The following ASH1L variants were observed in gnomAD, a reference collection of about 807,000 sequenced individuals.
ASH1L encodes ASH1 like histone lysine methyltransferase.
A neutral mutation model predicts 269.0 loss-of-function variants in ASH1L; 23 were observed. The observed-to-expected ratio is 0.09, with a 90% CI of 0.06 to 0.12. The LOEUF is 0.12. Ranked by LOEUF, ASH1L falls within the 10% of genes least tolerant of loss-of-function variation. ASH1L has a pLI of 1.00. For synonymous variants in ASH1L, 1,187 were observed against 1,253.5 expected (o/e 0.95, Z 1.12); for missense variants, 2,912 against 3,567.8 (o/e 0.82, Z 4.68).
chr1:155,363,842 G>A (rs557743583), intron 12 of ASH1L, among the ~76,000 whole-genome samples: 18 of 150,932 alleles, frequency 1.2e-4, no homozygotes, highest in African/African-American at 4.1e-4. Context: ...GTGTAGGGAC[G>A]CATGCCTTTA....
chr1:155,542,957 C>T (rs772912089), intron 1 of ASH1L, among the ~76,000 whole-genome samples: 1 of 151,942 alleles, frequency 6.6e-6, no homozygotes, highest in Non-Finnish European at 1.5e-5. Context: ...AGGCGTGAGC[C>T]ACCATGCCTG....
In ASH1L at chr1:155,338,062, C is replaced by T. The variant is rs370366746; in HGVS notation, c.8803+27G>A. The stretch of plus-strand genomic sequence containing the variant: ...CTCTCATTTCGCATTTATCTTAAAC[C>T]CTAGATATGAACCTGATTCTTCTTA... On this transcript the variant is annotated intron_variant, in intron 27 of 27. Coordinates refer to ENST00000392403, the MANE Select transcript of ASH1L (RefSeq NM_018489.3). 3 of 1,603,882 alleles carry T rather than the reference C, an allele frequency of 1.9e-6. No individual in the cohort carries two copies. In the African/African-American group the frequency reaches 4.0e-5, roughly 22 times the overall value.
In ASH1L at chr1:155,395,494, T is replaced by C; in HGVS notation, c.6068A>G (p.His2023Arg). 1 of 1,612,076 alleles carries C rather than the reference T, an allele frequency of 6.2e-7. No individual in the cohort carries two copies. Among genetic ancestry groups the C allele is most frequent in the East Asian group, 2.2e-5 (1 of 44,630 alleles). ...KEKLEYTPGE[H>R]EYGLFPAPIH... ...GGGCGCTGGAAATAATCCATATTCA[T>C]GCTCTCCTGGAGTATACTCCAGCTT... The change falls in exon 7 of 28, where the codon CAT (histidine) becomes CGT (arginine). Residue 2023 changes from histidine (H) to arginine (R), a missense_variant. Physicochemically the swap from His to Arg is conservative, Grantham distance 29 (BLOSUM62 0). Around this residue, in one of 13 missense-constraint regions of ASH1L, gnomAD observed 193 missense variants for 311.6 expected, o/e 0.62. Coordinates refer to ENST00000392403, the MANE Select transcript of ASH1L (RefSeq NM_018489.3).
chr1:155,378,314 G>T lies in ASH1L; in HGVS notation c.6299C>A (p.Thr2100Asn), dbSNP rs745691964. ...TCNCKKPDDD[T>N]RKGCVDDCLN... ...GCAGTCATCAACACAGCCCTTCCTG[G>T]TGTCATCATCTGGCTTCTTACAGTT... The change falls in exon 10 of 28, where the codon ACC (threonine) becomes AAC (asparagine). Residue 2100 changes from threonine (T) to asparagine (N), a missense_variant. This residue lies in a region of ASH1L where 193 missense variants were observed against 311.6 expected (regional missense o/e 0.62). Coordinates refer to ENST00000392403, the MANE Select transcript of ASH1L (RefSeq NM_018489.3). 12 of 1,614,028 alleles carry T rather than the reference G, an allele frequency of 7.4e-6. No individual in the cohort carries two copies. In the African/African-American group the frequency reaches 1.5e-4, roughly 20 times the overall value.
intron 12 of ASH1L, among the ~76,000 whole-genome samples, chr1:155,363,833 T>C (rs1655174727): frequency 6.7e-6 from 1 of 148,492 alleles, no homozygotes; most frequent in African/African-American, 2.5e-5. Context: ...ATTAGCCGGG[T>C]GTAGGGACGC....
intron 3 of ASH1L, among the ~76,000 whole-genome samples, chr1:155,467,346 GA>G (rs1401977668): frequency 6.6e-6 from 1 of 152,162 alleles, no homozygotes; most frequent in Non-Finnish European, 1.5e-5. Context: ...AGGATTGGGA[GA>G]AACCAGGAAA....
chr1:155,395,995 T>A (rs1468625066), intron 6 of ASH1L: 1 of 152,604 alleles, frequency 6.6e-6, no homozygotes, highest in African/African-American at 2.4e-5. Flanking sequence ...TCTATAAGAC[T>A]GAGTGACTTG....
At chr1:155,471,481 TAACA>T (rs1558139413) in intron 3 of ASH1L, among the ~76,000 whole-genome samples, 2 of 152,224 alleles carry the variant, frequency 1.3e-5, no homozygotes. Context: ...CCGGCCTACC[TAACA>T]GAGCCCCAAT....
intron 5 of ASH1L, among the ~76,000 whole-genome samples, chr1:155,425,194 G>A (rs750651521): frequency 2.6e-5 from 4 of 151,300 alleles, no homozygotes; most frequent in African/African-American, 9.7e-5. Flanking sequence ...TCTCGAACTC[G>A]AACTCCTGAC....
Position 155,482,208 on chromosome 1 carries a change from G to A in ASH1L, c.662C>T (p.Ala221Val), listed in dbSNP as rs979082750. ...NGGTSVTEKL[A>V]QLIATCPPSK... ...AGGAGGACAGGTAGCAATCAGCTGT[G>A]CCAACTTTTCTGTTACACTAGTTCC... Residue 221 changes from alanine (A) to valine (V), a missense_variant, in exon 3 of 28, where the codon GCA becomes GTA. Physicochemically the swap from Ala to Val is moderately conservative, Grantham distance 64 (BLOSUM62 0). This residue lies in a region of ASH1L where 277 missense variants were observed against 367.7 expected (regional missense o/e 0.75). Coordinates refer to ENST00000392403, the MANE Select transcript of ASH1L (RefSeq NM_018489.3). 1.2e-6 allele frequency: 2 copies of A among 1,614,152 alleles called. No homozygotes were observed. The highest frequency in any genetic ancestry group is 1.7e-6 in the Non-Finnish European group (2 of 1,180,008).
intron 1 of ASH1L, among the ~76,000 whole-genome samples, chr1:155,550,394 C>T (rs867746767): frequency 6.6e-6 from 1 of 152,162 alleles, no homozygotes. Context: ...AAGTCATTTC[C>T]CTGCTTCCAA....
intron 17 of ASH1L, among the ~76,000 whole-genome samples, chr1:155,351,214 C>T (rs903950955): frequency 6.7e-6 from 1 of 148,548 alleles, no homozygotes; most frequent in Non-Finnish European, 1.5e-5. Context: ...CACTGCACTC[C>T]AGCCTGGGCA....
chr1:155,411,582 A>ATATATATATATATAT (rs1659775685), intron 6 of ASH1L, among the ~76,000 whole-genome samples: 7 of 48,406 alleles, frequency 1.4e-4, no homozygotes, highest in African/African-American at 4.0e-4. Context: ...TAAATAAATA[A>ATATATATATATATAT]ATAAATATAT....
chr1:155,351,172 G>A (rs1307672123), intron 17 of ASH1L, among the ~76,000 whole-genome samples: 1 of 151,550 alleles, frequency 6.6e-6, no homozygotes, highest in Middle Eastern at 3.2e-3. Flanking sequence ...TTGAACCTGG[G>A]AGGCAGAGGT....
intron 1 of ASH1L, among the ~76,000 whole-genome samples, chr1:155,546,417 T>C (rs758760489): frequency 2.6e-5 from 4 of 152,100 alleles, no homozygotes; most frequent in African/African-American, 4.8e-5. Flanking sequence ...GATTTGCTTA[T>C]ATCGTCATCT....
chr1:155,440,994 C>T (rs940200902), intron 4 of ASH1L, among the ~76,000 whole-genome samples: 1 of 152,114 alleles, frequency 6.6e-6, no homozygotes, highest in African/African-American at 2.4e-5. Context: ...GCTCCTTCAC[C>T]CTCCCCACAA....
intron 1 of ASH1L, among the ~76,000 whole-genome samples, chr1:155,551,718 C>T (rs1371647925): frequency 1.3e-5 from 2 of 150,332 alleles, no homozygotes; most frequent in Non-Finnish European, 3.0e-5. Context: ...ACCTGTAATC[C>T]CAGCACTTTG....
At chr1:155,463,820 G>C (rs906403398) in intron 3 of ASH1L, among the ~76,000 whole-genome samples, 2 of 151,948 alleles carry the variant, frequency 1.3e-5, no homozygotes, top group African/African-American at 4.8e-5. Flanking sequence ...ATGATAGAAA[G>C]AAGAGCAGTG....
At chr1:155,490,273 T>C (rs1666672265) in intron 2 of ASH1L, among the ~76,000 whole-genome samples, 1 of 151,910 alleles carries the variant, frequency 6.6e-6, no homozygotes, top group Admixed American at 6.6e-5. Flanking sequence ...CAAAAAAGAC[T>C]TTTTATTTCC....
Sources: allele counts gnomAD v4.1 joint callset (sites outside exome capture counted in the v4.1 genomes callset), GRCh38; gene constraint gnomAD v4.1.1; regional missense constraint gnomAD v4.1.1; transcripts MANE v1.5; gene names NCBI Gene and HGNC (gene_info 2026-07-23, HGNC 2026-07-21).